Variants in SPAG16 observed in about 807,000 individuals in gnomAD.
The protein encoded by SPAG16 is sperm associated antigen 16.
SPAG16 carries 86 observed loss-of-function variants against 80.4 expected under a neutral mutation model. The observed-to-expected ratio is 1.07, with a 90% confidence interval of 0.90 to 1.28. The LOEUF (loss-of-function observed/expected upper bound fraction) is 1.28. Ranked by LOEUF, SPAG16 falls within the 50% of genes most tolerant of loss-of-function variation. SPAG16 has a pLI of 0.00. For synonymous variants in SPAG16, 294 were observed against 265.9 expected (o/e 1.11, Z -1.03); for missense variants, 870 against 765.3 (o/e 1.14, Z -1.61).
At chr2:214,050,774 G>C (rs542305525) in intron 13 of SPAG16, among the ~76,000 whole-genome samples, 1 of 152,026 alleles carries the variant, frequency 6.6e-6, no homozygotes, top group East Asian at 1.9e-4. Context: ...CTCCCTCTCT[G>C]TCACCAGACT....
At chr2:213,717,145 A>T (rs1193686743) in intron 10 of SPAG16, among the ~76,000 whole-genome samples, 1 of 151,716 alleles carries the variant, frequency 6.6e-6, no homozygotes, top group African/African-American at 2.4e-5. Context: ...TGTGAAAAGC[A>T]GAAACTTTTC....
At chr2:213,341,523 T>C (rs1431423465) in intron 6 of SPAG16, among the ~76,000 whole-genome samples, 1 of 152,112 alleles carries the variant, frequency 6.6e-6, no homozygotes, top group Non-Finnish European at 1.5e-5. Context: ...ACAGTATTTC[T>C]TTGTTTGTTG....
At chr2:214,069,941 A>C (rs2050710549) in intron 13 of SPAG16, among the ~76,000 whole-genome samples, 1 of 152,096 alleles carries the variant, frequency 6.6e-6, no homozygotes, top group Non-Finnish European at 1.5e-5. Flanking sequence ...TGTTCAATAA[A>C]CTGGAGATTG....
chr2:213,370,678 A>G (rs772088945), intron 8 of SPAG16, among the ~76,000 whole-genome samples: 7 of 152,330 alleles, frequency 4.6e-5, no homozygotes, highest in South Asian at 2.1e-4. Flanking sequence ...TAAATTTTAT[A>G]TATTTATCCT....
At chr2:214,366,079 A>G (rs1420384013) in intron 15 of SPAG16, among the ~76,000 whole-genome samples, 3 of 151,882 alleles carry the variant, frequency 2.0e-5, no homozygotes, top group African/African-American at 4.8e-5. Context: ...CCCAAATTCA[A>G]GTGATTCTTC....
At chr2:213,564,704 T>A (rs1338668284) in intron 10 of SPAG16, among the ~76,000 whole-genome samples, 2 of 152,136 alleles carry the variant, frequency 1.3e-5, no homozygotes, top group East Asian at 1.9e-4. Context: ...ATTGAACATG[T>A]CTCATGTGTC....
chr2:213,442,715 G>T (rs72939102), intron 9 of SPAG16, among the ~76,000 whole-genome samples: 3 of 152,004 alleles, frequency 2.0e-5, no homozygotes, highest in African/African-American at 7.2e-5. Flanking sequence ...TTGGACACTC[G>T]TAAAAAAATA....
At chr2:213,623,962 A>ATT (rs1482290969) in intron 10 of SPAG16, among the ~76,000 whole-genome samples, 1 of 148,208 alleles carries the variant, frequency 6.7e-6, no homozygotes, top group Admixed American at 6.7e-5. Flanking sequence ...AATGTAATAA[A>ATT]TTAATTAAGT....
intron 3 of SPAG16, among the ~76,000 whole-genome samples, chr2:213,308,515 C>T (rs1334273284): frequency 1.3e-5 from 2 of 151,944 alleles, no homozygotes; most frequent in African/African-American, 4.8e-5. Flanking sequence ...AAGTGCAAAG[C>T]TTGAGGATAG....
At chr2:214,302,493 G>T (rs1694623808) in intron 15 of SPAG16, among the ~76,000 whole-genome samples, 1 of 151,866 alleles carries the variant, frequency 6.6e-6, no homozygotes. Flanking sequence ...CAGTTTTTTT[G>T]TTTTGGAGAT....
chr2:213,531,274 A>G (rs1019836110), intron 10 of SPAG16, among the ~76,000 whole-genome samples: 1 of 152,142 alleles, frequency 6.6e-6, no homozygotes, highest in Admixed American at 6.5e-5. Context: ...AAATGCCAGA[A>G]TGGAGAAGCC....
At chr2:213,647,531 C>T (rs971128392) in intron 10 of SPAG16, among the ~76,000 whole-genome samples, 25 of 150,698 alleles carry the variant, frequency 1.7e-4, no homozygotes, top group African/African-American at 5.0e-4. Flanking sequence ...CTGCTCCATT[C>T]GGTCTTTGTT....
chr2:214,163,068 A>T (rs1231464839), intron 15 of SPAG16, among the ~76,000 whole-genome samples: 3 of 152,098 alleles, frequency 2.0e-5, no homozygotes, highest in Non-Finnish European at 2.9e-5. Flanking sequence ...TGACATGCAT[A>T]TATTAAAATC....
intron 14 of SPAG16, among the ~76,000 whole-genome samples, chr2:214,115,049 T>C (rs185160092): frequency 2.8e-4 from 43 of 152,358 alleles, no homozygotes; most frequent in Admixed American, 1.4e-3. Context: ...TTTCCATTAA[T>C]TGATCTTTTC....
chr2:213,310,277 A>C, intron 4 of SPAG16, 100 bp downstream of exon 4: 1 of 704,256 alleles, frequency 1.4e-6, no homozygotes, highest in Non-Finnish European at 2.3e-6. Flanking sequence ...CAGCCTATGA[A>C]AAATGACTAG....
At chr2:213,795,507 T>C (rs1486164555) in intron 10 of SPAG16, among the ~76,000 whole-genome samples, 2 of 152,186 alleles carry the variant, frequency 1.3e-5, no homozygotes, top group African/African-American at 4.8e-5. Flanking sequence ...CGCCAATCCT[T>C]TAATTAGAAA....
intron 10 of SPAG16, among the ~76,000 whole-genome samples, chr2:213,631,098 G>T (rs550755284): frequency 1.4e-4 from 22 of 152,118 alleles, no homozygotes; most frequent in Non-Finnish European, 2.5e-4. Context: ...AAATGACAAG[G>T]CCCAAAGTAG....
chr2:214,355,678 T>C (rs2126059280), intron 15 of SPAG16, among the ~76,000 whole-genome samples: 1 of 151,808 alleles, frequency 6.6e-6, no homozygotes, highest in East Asian at 2.0e-4. Context: ...ACTGGGTATA[T>C]ACCCAAAAGA....
chr2:213,778,299 A>G (rs1037247725), intron 10 of SPAG16, among the ~76,000 whole-genome samples: 9 of 152,162 alleles, frequency 5.9e-5, no homozygotes, highest in Admixed American at 5.2e-4. Context: ...AGTCATACCT[A>G]GACTTTTTTG....
Sources: allele counts gnomAD v4.1 joint callset (sites outside exome capture counted in the v4.1 genomes callset), GRCh38; gene constraint gnomAD v4.1.1; transcripts MANE v1.5; gene names NCBI Gene and HGNC (gene_info 2026-07-23, HGNC 2026-07-21).